The following KIAA0753 variants were observed in gnomAD, a reference collection of about 807,000 sequenced individuals.
The protein encoded by KIAA0753 is protein moonraker.
Under a neutral mutation model 116.9 loss-of-function variants are expected in KIAA0753, and 114 were observed. That is an observed-to-expected ratio of 0.98 (90% confidence interval 0.84 to 1.14). KIAA0753 has a LOEUF of 1.14. Among genes scored for constraint, KIAA0753 ranks in the 50% most tolerant of loss-of-function variants. KIAA0753 has a pLI of 0.00. For missense variants in KIAA0753, 1,156 were observed against 1,172.4 expected (o/e 0.99, Z 0.20); for synonymous variants, 405 against 413.1 (o/e 0.98, Z 0.24).
intron 18 of KIAA0753, among the ~76,000 whole-genome samples, chr17:6,588,460 C>T (rs910961309): frequency 3.9e-5 from 6 of 152,072 alleles, no homozygotes; most frequent in South Asian, 4.2e-4. Flanking sequence ...GGAGAGCAGC[C>T]GCCTGGACTC....
rs960969833 is a variant in KIAA0753, at chr17:6,595,137, A to G, written c.2359-84T>C. On this transcript the variant is annotated intron_variant, in intron 15 of 18. Coordinates refer to ENST00000361413, the MANE Select transcript of KIAA0753 (RefSeq NM_014804.3). ...AGAACTGGTAAAGATGTAAAAGTTCAGCAGACACAACTGATACGGACGTAC... is the reference window on the plus strand; with the variant it reads ...AGAACTGGTAAAGATGTAAAAGTTCGGCAGACACAACTGATACGGACGTAC... The G allele has an allele frequency of 5.4e-5, 51 of 942,996 alleles. No individual in the cohort carries two copies. The East Asian group carries it at 1.1e-3, about 20-fold the overall frequency. The allele number at this position is 942,996 out of a possible 1,614,324, so 58.4% of individuals were successfully genotyped here.
At chr17:6,596,434 T>C in intron 14 of KIAA0753, 91 bp from the exon 15 acceptor site, 1 of 1,044,616 alleles carries the variant, frequency 9.6e-7, no homozygotes. Context: ...ATAAAAATTA[T>C]TGTTAATCAT....
intron 12 of KIAA0753, among the ~76,000 whole-genome samples, chr17:6,602,354 T>G (rs1341542055): frequency 6.6e-6 from 1 of 152,194 alleles, no homozygotes; most frequent in African/African-American, 2.4e-5. Flanking sequence ...TAACTATAAA[T>G]GGGAAAGCCC....
Position 6,608,413 on chromosome 17 carries a change from A to T in KIAA0753, c.1764T>A (p.Pro588=). The T allele has an allele frequency of 6.4e-7, 1 of 1,567,100 alleles. No homozygotes were observed. Residue 588 remains proline, a synonymous_variant, in exon 10 of 19, where the codon CCT becomes CCA. Coordinates refer to ENST00000361413, the MANE Select transcript of KIAA0753 (RefSeq NM_014804.3). ...KTSPRDATKE[P]LQQEDPQEES... ...CCTCTTGAGGATCTTCTTGCTGGAG[A>T]GGCTCTTTTGTGGCATCTCTGGGGC... is the stretch of plus-strand genomic sequence containing the variant.
intron 17 of KIAA0753, 69 bp from the exon 18 acceptor site, chr17:6,590,072 C>T (rs925153306): frequency 8.5e-7 from 1 of 1,176,646 alleles, no homozygotes; most frequent in African/African-American, 1.5e-5. Context: ...GTTAATTTAC[C>T]CTCATGGTTT....
At chr17:6,638,495 C>A (rs1258330982) in intron 1 of KIAA0753, 3 of 155,178 alleles carry the variant, frequency 1.9e-5, no homozygotes, top group African/African-American at 7.2e-5. Context: ...GTCTCAGACA[C>A]CCCCACAGCC....
chr17:6,628,170 A>G lies in KIAA0753; in HGVS notation c.665T>C (p.Leu222Pro), dbSNP rs1971794718. Residue 222 changes from leucine to proline, a missense_variant, in exon 3 of 19, where the codon CTC becomes CCC. Physicochemically the swap from Leu to Pro is moderately conservative, Grantham distance 98. Transcript: ENST00000361413. ...GATACAACTGCTCAGTTCTTTCTGG[A>G]GTCGCTGGACTTCTAGCAGGCTTTT... ...EQKSLLEVQR[L>P]QKELSSCIHK... 6.2e-7 allele frequency: 1 copy of G among 1,614,022 alleles called. No homozygotes were observed. Among genetic ancestry groups the G allele is most frequent in the African/African-American group, 1.3e-5 (1 of 74,932 alleles).
chr17:6,611,970 A>G lies in KIAA0753; in HGVS notation c.1494T>C (p.Thr498=). 1 of 1,614,096 alleles carries G rather than the reference A, an allele frequency of 6.2e-7. No homozygotes were observed. Among genetic ancestry groups the G allele is most frequent in the Non-Finnish European group, 8.5e-7 (1 of 1,179,990 alleles). Residue 498 remains threonine (T), a synonymous_variant, in exon 8 of 19, where the codon ACT becomes ACC. Coordinates refer to ENST00000361413, the MANE Select transcript of KIAA0753 (RefSeq NM_014804.3). ...KTKAGKKKPV[T]ENVPFRKKDT... is the part of the protein sequence containing the mutation. ...CTTTCTTCCTAAACGGCACATTCTC[A>G]GTCACAGGCTTCTTTTTCCCTGCTT...
Position 6,622,923 on chromosome 17 carries a change from A to T in KIAA0753, c.1063T>A (p.Ser355Thr). 6.2e-7 allele frequency: 1 copy of T among 1,614,178 alleles called. No homozygotes were observed. The highest frequency in any genetic ancestry group is 8.5e-7 in the Non-Finnish European group (1 of 1,180,004). ...LCSVKLDADP[S>T]VPDVVIDILQ... ...ATATCTATAACCACATCAGGAACAG[A>T]AGGGTCTGCATCCAGCTTGACAGAA... The change falls in exon 6 of 19, where the codon TCT (serine) becomes ACT (threonine). Residue 355 changes from serine to threonine, a missense_variant. Physicochemically the swap from Ser to Thr is moderately conservative, Grantham distance 58. Transcript: ENST00000361413.
rs115918770 is a variant in KIAA0753 at position 6,599,867 on chromosome 17, T to C, written c.2088+513A>G. On this transcript the variant is annotated intron_variant, in intron 13 of 18. Transcript: ENST00000361413. The stretch of plus-strand genomic sequence containing the variant: ...TCATACACACAAGATTGCTTCTATT[T>C]ACAGGGTGGAGCTACAGGGTCTGGC... 2.9e-3 allele frequency among the ~76,000 whole-genome samples: 449 copies of C among 152,294 alleles called. 2 individuals are homozygous for C. The highest frequency in any genetic ancestry group is 9.8e-3 in the African/African-American group (406 of 41,548).
At position 6,584,176 on chromosome 17, in the gene KIAA0753, G is replaced by GATTCCAGCCTCTGTCCTC. The variant is rs369028916; in HGVS notation, c.2787-4313_2787-4312insGAGGACAGAGGCTGGAAT. ...CCGTGAATTCCAGCCTCTGTCCTCTGTTCTGAAAAGGCTGTCAGAAGTGCT... is the reference window on the plus strand; with the variant it reads ...CCGTGAATTCCAGCCTCTGTCCTCTGATTCCAGCCTCTGTCCTCTTCTGAAAAGGCTGTCAGAAGTGCT... On this transcript the variant is annotated intron_variant, in intron 18 of 18. Transcript: ENST00000361413. Among the ~76,000 whole-genome samples the GATTCCAGCCTCTGTCCTC allele has an allele frequency of 2.0e-5, 3 of 151,972 alleles. No homozygotes were observed. In the South Asian group the frequency reaches 6.2e-4, roughly 32 times the overall value.
chr17:6,621,706 G>A (rs565640720), intron 6 of KIAA0753, among the ~76,000 whole-genome samples: 2 of 152,286 alleles, frequency 1.3e-5, no homozygotes, highest in East Asian at 3.9e-4. Context: ...GAAACATTAG[G>A]TTAAAGGTAC....
intron 18 of KIAA0753, among the ~76,000 whole-genome samples, chr17:6,580,203 A>C (rs960716248): frequency 6.6e-6 from 1 of 151,974 alleles, no homozygotes; most frequent in Non-Finnish European, 1.5e-5. Flanking sequence ...ATAAAATAAA[A>C]TAAAGGTATG....
chr17:6,630,427 C>T (rs758107995), intron 2 of KIAA0753, among the ~76,000 whole-genome samples: 3 of 151,626 alleles, frequency 2.0e-5, no homozygotes, highest in South Asian at 2.1e-4. Context: ...ATTTGGCAAT[C>T]GCTAACAAAA....
At position 6,596,155 on chromosome 17, in the gene KIAA0753, T is replaced by C. The variant is rs1969465439; in HGVS notation, c.2358+3A>G. ...GAACCAGACCCGGAGCCCCAGACCT[T>C]ACTTCCATCTCTTCCATTCGGCGCA... On this transcript the variant is annotated splice_donor_region_variant and intron_variant, in intron 15 of 18. Coordinates refer to ENST00000361413, the MANE Select transcript of KIAA0753 (RefSeq NM_014804.3). 6.2e-7 allele frequency: 1 copy of C among 1,612,572 alleles called. No homozygotes were observed. Among genetic ancestry groups the C allele is most frequent in the Admixed American group, 1.7e-5 (1 of 59,948 alleles).
At chr17:6,628,775 G>GA (rs759107187) in intron 2 of KIAA0753, 34 bp from the exon 3 acceptor site, 6 of 1,542,970 alleles carry the variant, frequency 3.9e-6, no homozygotes, top group Non-Finnish European at 4.3e-6. Context: ...GCAGACATCA[G>GA]AAAAATTTCA....
chr17:6,615,106 G>C (rs1242882867), intron 7 of KIAA0753, among the ~76,000 whole-genome samples: 1 of 151,898 alleles, frequency 6.6e-6, no homozygotes, highest in Non-Finnish European at 1.5e-5. Context: ...GCTAATTTTT[G>C]TATTTTTCAG....
intron 3 of KIAA0753, among the ~76,000 whole-genome samples, chr17:6,626,944 T>C (rs975936286): frequency 2.0e-5 from 3 of 152,072 alleles, no homozygotes; most frequent in Non-Finnish European, 4.4e-5. Flanking sequence ...TCAAAGTAGG[T>C]AGGGGTCCAT....
chr17:6,600,117 C>T (rs1370815683), intron 13 of KIAA0753, among the ~76,000 whole-genome samples: 1 of 152,200 alleles, frequency 6.6e-6, no homozygotes, highest in Non-Finnish European at 1.5e-5. Context: ...ATCTATTTCA[C>T]TCGGAACAGG....
Sources: allele counts gnomAD v4.1 joint callset (sites outside exome capture counted in the v4.1 genomes callset), GRCh38; gene constraint gnomAD v4.1.1; transcripts MANE v1.5; gene names NCBI Gene and HGNC (gene_info 2026-07-23, HGNC 2026-07-21).